The following UBR2 variants were observed in gnomAD, a reference collection of about 807,000 sequenced individuals.
UBR2 encodes E3 ubiquitin-protein ligase UBR2.
UBR2 carries 92 observed loss-of-function variants against 247.9 expected under a neutral mutation model. That is an observed-to-expected ratio of 0.37 (90% CI 0.31 to 0.44). The LOEUF is 0.44. Ranked by LOEUF, UBR2 falls within the 20% of genes least tolerant of loss-of-function variation. UBR2 has a pLI of 1.00. For missense variants in UBR2, 1,613 were observed against 2,112.6 expected (o/e 0.76, Z 4.64); for synonymous variants, 672 against 693.5 (o/e 0.97, Z 0.49).
intron 8 of UBR2, among the ~76,000 whole-genome samples, chr6:42,614,275 CAT>C (rs1794317272): frequency 2.3e-5 from 3 of 133,000 alleles, no homozygotes; most frequent in Admixed American, 1.6e-4. Flanking sequence ...CACACACGTA[CAT>C]ATATATGTAT....
intron 32 of UBR2, among the ~76,000 whole-genome samples, chr6:42,665,054 G>C (rs1365931778): frequency 2.6e-5 from 4 of 152,184 alleles, no homozygotes; most frequent in Admixed American, 2.0e-4. Flanking sequence ...TGAGGATTAA[G>C]TCTAATACCA....
At chr6:42,617,630 T>A in intron 11 of UBR2, 123 bp downstream of exon 11, 1 of 806,858 alleles carries the variant, frequency 1.2e-6, no homozygotes, top group Non-Finnish European at 1.9e-6. Flanking sequence ...TAATCAGACT[T>A]CAAACACCTT....
intron 7 of UBR2, among the ~76,000 whole-genome samples, chr6:42,610,831 T>G (rs1794018542): frequency 6.6e-6 from 1 of 151,788 alleles, no homozygotes; most frequent in African/African-American, 2.4e-5. Flanking sequence ...AAGATGAAAG[T>G]TTTATATGTA....
At chr6:42,570,943 C>G (rs116210518) in intron 1 of UBR2, among the ~76,000 whole-genome samples, 1 of 151,628 alleles carries the variant, frequency 6.6e-6, no homozygotes, top group African/African-American at 2.4e-5. Context: ...GCCTTGGCCT[C>G]CCAAGTGCTG....
intron 34 of UBR2, among the ~76,000 whole-genome samples, chr6:42,667,784 G>C (rs1798206679): frequency 7.7e-6 from 1 of 129,572 alleles, no homozygotes; most frequent in Admixed American, 8.8e-5. Context: ...TTTTGAGACA[G>C]AGTCTCACTC....
chr6:42,631,867 TATATATATATA>T (rs1438336689), intron 11 of UBR2, among the ~76,000 whole-genome samples: 1 of 32,056 alleles, frequency 3.1e-5, no homozygotes, highest in African/African-American at 1.2e-4. Context: ...ATTTTATATA[TATATATATATA>T]TATATATATA....
chr6:42,624,319 T>G (rs555275981), intron 11 of UBR2, among the ~76,000 whole-genome samples: 2 of 144,750 alleles, frequency 1.4e-5, no homozygotes, highest in South Asian at 2.2e-4. Context: ...TTTTTTTTTT[T>G]AGTGTTTGTT....
rs930243534 is a variant in UBR2 at position 42,627,614 on chromosome 6, C to G, written c.1282-4938C>G. Among the ~76,000 whole-genome samples, 4 of 152,086 alleles carry G rather than the reference C, an allele frequency of 2.6e-5. No individual in the cohort carries two copies. The East Asian group carries it at 7.7e-4, about 29-fold the overall frequency. On this transcript the variant is annotated intron_variant, in intron 11 of 46. Coordinates refer to ENST00000372901, the MANE Select transcript of UBR2 (RefSeq NM_001363705.2). ...CCAAATTCAAGCCAACCTCCTGCCT[C>G]AGTTTCCTGAGTAGCTGGGACTACA...
chr6:42,614,940 G>T, intron 8 of UBR2, 131 bp from the exon 9 acceptor site: 1 of 638,428 alleles, frequency 1.6e-6, no homozygotes, highest in Non-Finnish European at 2.5e-6. Context: ...TAATATGTTT[G>T]CCTTTTCTGA....
In UBR2 at chr6:42,659,547, ACAC is replaced by A; in HGVS notation, c.3243-108_3243-106del. The stretch of plus-strand genomic sequence containing the variant: ...CACACACACACACACACACACACAC[ACAC>A]ACACACACACACTACACACACACAC... On this transcript the variant is annotated intron_variant, in intron 29 of 46. Transcript: ENST00000372901. This position sits in a 1 kb window ranked among gnomAD's most constrained non-coding sequence, Gnocchi z 4.3. 1 of 741,514 alleles carries A rather than the reference ACAC, an allele frequency of 1.3e-6. No homozygotes were observed. The highest frequency in any genetic ancestry group is 2.5e-5 in the Admixed American group (1 of 39,694). The allele number at this position is 741,514 out of a possible 1,614,324, so 45.9% of individuals were successfully genotyped here.
intron 4 of UBR2, among the ~76,000 whole-genome samples, chr6:42,600,006 A>G (rs947486647): frequency 3.9e-5 from 6 of 152,174 alleles, no homozygotes; most frequent in African/African-American, 1.4e-4. Flanking sequence ...TATTGTTAGA[A>G]AGTCAGTTTA....
chr6:42,658,846 A>T (rs777494036), intron 29 of UBR2, 22 bp downstream of exon 29: 2 of 1,355,324 alleles, frequency 1.5e-6, no homozygotes, highest in Non-Finnish European at 2.0e-6. Flanking sequence ...AAAAAAAAAA[A>T]TTAATGTCTT....
intron 4 of UBR2, among the ~76,000 whole-genome samples, chr6:42,602,731 G>A (rs1032428960): frequency 2.1e-5 from 3 of 145,906 alleles, no homozygotes; most frequent in African/African-American, 7.6e-5. Context: ...TTTATATTTT[G>A]CACTATGTTT....
At position 42,635,669 on chromosome 6, in the gene UBR2, G is replaced by A. The variant is rs990053088; in HGVS notation, c.1674+123G>A. On this transcript the variant is annotated intron_variant, in intron 14 of 46. Transcript: ENST00000372901. ...GGTGATACTTAGTTCATTAAACAGC[G>A]TATTTTCCTTCTCCACCTATAAACT... 6.3e-5 allele frequency: 75 copies of A among 1,187,260 alleles called. No individual in the cohort carries two copies. The African/African-American group carries it at 9.6e-4, about 15-fold the overall frequency. 73.5% of individuals were successfully genotyped at this position (1,187,260 alleles called of 1,614,324 possible).
intron 11 of UBR2, among the ~76,000 whole-genome samples, chr6:42,627,695 A>G (rs1260185382): frequency 6.6e-6 from 1 of 151,792 alleles, no homozygotes; most frequent in African/African-American, 2.4e-5. Flanking sequence ...TATTTTTAGT[A>G]GAGACAATGT....
At chr6:42,605,104 A>T (rs897897695) in intron 5 of UBR2, among the ~76,000 whole-genome samples, 4 of 152,040 alleles carry the variant, frequency 2.6e-5, no homozygotes, top group African/African-American at 9.7e-5. Flanking sequence ...GACTAGTGTC[A>T]TACTAATCTC....
chr6:42,575,805 C>T (rs572181462), intron 2 of UBR2, among the ~76,000 whole-genome samples: 9 of 152,186 alleles, frequency 5.9e-5, no homozygotes, highest in African/African-American at 2.2e-4. Context: ...TACTCTTTTC[C>T]CCTATGTGAT....
At chr6:42,589,701 T>G (rs1225574518) in intron 2 of UBR2, among the ~76,000 whole-genome samples, 1 of 152,224 alleles carries the variant, frequency 6.6e-6, no homozygotes, top group East Asian at 1.9e-4. Flanking sequence ...CTGTTCAGAT[T>G]GTTTGTACTC....
At position 42,693,062 on chromosome 6, in the gene UBR2, T is replaced by C. The variant is rs540356231; in HGVS notation, c.*1889T>C. The C allele has an allele frequency of 5.4e-4, 82 of 152,320 alleles. No homozygotes were observed. The highest frequency in any genetic ancestry group is 1.9e-3 in the African/African-American group (80 of 41,566). 9.4% of individuals were successfully genotyped at this position (152,320 alleles called of 1,614,324 possible). A position where few individuals can be genotyped will look rare whatever the true frequency, so the allele number is the denominator to read the frequency against. ...ATGTTCACCAAGCTAAAATTTAAAATAATAAGACCAGGTTTCTCTCTGTAC... is the reference window on the plus strand; with the variant it reads ...ATGTTCACCAAGCTAAAATTTAAAACAATAAGACCAGGTTTCTCTCTGTAC... On this transcript the variant is annotated 3_prime_UTR_variant, in exon 47 of 47. Transcript: ENST00000372901.
Sources: allele counts gnomAD v4.1 joint callset (sites outside exome capture counted in the v4.1 genomes callset), GRCh38; gene constraint gnomAD v4.1.1; non-coding constraint Gnocchi (gnomAD v3.1); transcripts MANE v1.5; gene names NCBI Gene and HGNC (gene_info 2026-07-23, HGNC 2026-07-21).